Variants in C2orf72 observed in about 807,000 individuals in gnomAD.
C2orf72 encodes chromosome 2 open reading frame 72, also known as uncharacterized protein C2orf72.
C2orf72 carries 16 observed loss-of-function variants against 14.4 expected under a neutral mutation model. The ratio of observed to expected loss-of-function variants is 1.11; its 90% confidence interval spans 0.75 to 1.69. C2orf72 has a LOEUF of 1.69. Ranked by LOEUF, C2orf72 falls within the 40% of genes most tolerant of loss-of-function variation. The pLI, the probability that C2orf72 is intolerant of heterozygous loss-of-function variation, is 0.00. For missense variants in C2orf72, 371 were observed against 358.3 expected, an observed-to-expected ratio of 1.04 and a Z score of -0.29; for synonymous variants, 168 against 176.8, an observed-to-expected ratio of 0.95 and a Z score of 0.40.
rs1292651874 is a variant in C2orf72 at position 231,037,926 on chromosome 2, C to T, written c.361C>T (p.Pro121Ser). 1.9e-6 allele frequency: 2 copies of T among 1,029,038 alleles called. No individual in the cohort carries two copies. The highest frequency in any genetic ancestry group is 3.6e-5 in the South Asian group (1 of 27,432). 63.7% of individuals were successfully genotyped at this position (1,029,038 alleles called of 1,614,324 possible). The change falls in exon 1 of 3, where the codon CCG becomes TCG. Residue 121 changes from proline (P) to serine (S), a missense_variant. By Grantham distance (74) the Pro-to-Ser change is moderately conservative (BLOSUM62 -1). Transcript: ENST00000373640. ...CRASSLAARE[P>S]RRRLREMLRD... ...CGCGTCGTCGCTGGCCGCCCGGGAG[C>T]CGCGGCGCCGCCTGCGGGAGATGCT...
rs1693452994 is a variant in C2orf72, at chr2:231,048,767, C to T, written c.*1746C>T. ...CCTGCAGGGCTGCCTGCCAGTGGAT[C>T]TATCCAGCTGCTTCCTTGTAGCCAA... On this transcript the variant is annotated 3_prime_UTR_variant, in exon 3 of 3. Transcript: ENST00000373640. The T allele has an allele frequency of 6.6e-6, 1 of 152,242 alleles. No individual in the cohort carries two copies. Among genetic ancestry groups the T allele is most frequent in the Non-Finnish European group, 1.5e-5 (1 of 68,042 alleles). The allele number at this position is 152,242 out of a possible 1,614,324, so 9.4% of individuals were successfully genotyped here.
intron 1 of C2orf72, among the ~76,000 whole-genome samples, chr2:231,039,535 G>A (rs1693312769): frequency 6.6e-6 from 1 of 152,050 alleles, no homozygotes. Flanking sequence ...AAGGAGACCT[G>A]TCACCTGTGA....
intron 1 of C2orf72, among the ~76,000 whole-genome samples, chr2:231,038,589 G>A (rs1693292881): frequency 6.6e-6 from 1 of 152,024 alleles, no homozygotes; most frequent in African/African-American, 2.4e-5. Context: ...TTTCAAGGGG[G>A]TGGATGGGTG....
intron 2 of C2orf72, among the ~76,000 whole-genome samples, chr2:231,042,676 A>C (rs1160152107): frequency 2.0e-5 from 3 of 152,204 alleles, no homozygotes; most frequent in Non-Finnish European, 4.4e-5. Flanking sequence ...GAAAACCATT[A>C]GTTGATGTGT....
chr2:231,043,974 G>T (rs1050627308), intron 2 of C2orf72, among the ~76,000 whole-genome samples: 3 of 152,126 alleles, frequency 2.0e-5, no homozygotes, highest in African/African-American at 7.2e-5. Flanking sequence ...ATAGCCTATC[G>T]TTCCTAGGCT....
chr2:231,037,528 C>G lies in C2orf72; in HGVS notation c.-38C>G. On this transcript the variant is annotated 5_prime_UTR_variant, in exon 1 of 3. Transcript: ENST00000373640. ...CCGAGAGGCGGGCAGCGGGTGCGCC[C>G]GGGCCGCGGCGGCCGCAGAGGGCGG... 2.0e-6 allele frequency: 2 copies of G among 997,804 alleles called. No homozygotes were observed. The highest frequency in any genetic ancestry group is 5.1e-4 in the Middle Eastern group (1 of 1,964). The allele number at this position is 997,804 out of a possible 1,614,324, so 61.8% of individuals were successfully genotyped here. A position where few individuals can be genotyped will look rare whatever the true frequency, so the allele number is the denominator to read the frequency against.
chr2:231,044,493 G>A (rs1693384436), intron 2 of C2orf72, among the ~76,000 whole-genome samples: 1 of 152,084 alleles, frequency 6.6e-6, no homozygotes, highest in Non-Finnish European at 1.5e-5. Context: ...GCACACCATA[G>A]TGAGACTGTC....
At position 231,041,286 on chromosome 2, in the gene C2orf72, T is replaced by C; in HGVS notation, c.635-10T>C. On this transcript the variant is annotated splice_polypyrimidine_tract_variant and intron_variant, in intron 1 of 2. Coordinates refer to ENST00000373640, the MANE Select transcript of C2orf72 (RefSeq NM_001144994.2). ...GTGACCCTCTGACTCAGGTTTTGTG[T>C]TCTTCCTAGTGGAAGGAGCCTGGGA... 1 of 1,544,692 alleles carries C rather than the reference T, an allele frequency of 6.5e-7. No individual in the cohort carries two copies. Among genetic ancestry groups the C allele is most frequent in the Non-Finnish European group, 8.8e-7 (1 of 1,142,740 alleles).
intron 2 of C2orf72, among the ~76,000 whole-genome samples, chr2:231,042,870 G>A (rs1693361975): frequency 1.3e-5 from 2 of 152,220 alleles, no homozygotes; most frequent in Non-Finnish European, 2.9e-5. Flanking sequence ...CGGGTGTGGT[G>A]GCACATGCCT....
rs867249031 is a variant in C2orf72, at chr2:231,037,873, G to T, written c.308G>T (p.Arg103Leu). 7.4e-5 allele frequency: 73 copies of T among 980,428 alleles called. No homozygotes were observed. The African/African-American group carries it at 1.1e-3, about 15-fold the overall frequency. 60.7% of individuals were successfully genotyped at this position (980,428 alleles called of 1,614,324 possible). A position where few individuals can be genotyped will look rare whatever the true frequency, so the allele number is the denominator to read the frequency against. The change falls in exon 1 of 3, where the codon CGC becomes CTC. Residue 103 changes from arginine to leucine, a missense_variant. By Grantham distance (102) the Arg-to-Leu change is moderately radical. Around this residue, in one of 3 missense-constraint regions of C2orf72, gnomAD observed 214 missense variants for 178.7 expected, o/e 1.20. Coordinates refer to ENST00000373640, the MANE Select transcript of C2orf72 (RefSeq NM_001144994.2). ...GAAAAAARAI[R>L]SPLVFVLCRA... ...GCGGCGGCGGCGGCGCGCGCCATCC[G>T]CTCGCCGCTGGTCTTCGTGCTGTGC... is the stretch of plus-strand genomic sequence containing the variant.
At chr2:231,039,095 T>G (rs182159551) in intron 1 of C2orf72, among the ~76,000 whole-genome samples, 397 of 151,836 alleles carry the variant, frequency 2.6e-3, no homozygotes, top group Admixed American at 6.9e-3. Context: ...ACACAGCATG[T>G]TCTCACTCGT....
rs141646137 is a variant in C2orf72 at position 231,048,276 on chromosome 2, C to G, written c.*1255C>G. On this transcript the variant is annotated 3_prime_UTR_variant, in exon 3 of 3. Transcript: ENST00000373640. ...CTCCTGGATTTCCCTGGAGGGGAGG[C>G]ACTAGCTGAGGGAAGTAGCTCCCTT... 16 of 152,392 alleles carry G rather than the reference C, an allele frequency of 1.0e-4. No homozygotes were observed. The highest frequency in any genetic ancestry group is 3.8e-4 in the African/African-American group (16 of 41,582). The allele number at this position is 152,392 out of a possible 1,614,324, so 9.4% of individuals were successfully genotyped here. A position where few individuals can be genotyped will look rare whatever the true frequency, so the allele number is the denominator to read the frequency against.
At position 231,041,499 on chromosome 2, in the gene C2orf72, G is replaced by A. The variant is rs148654297; in HGVS notation, c.748+90G>A. 3,324 of 949,578 alleles carry A rather than the reference G, an allele frequency of 3.5e-3. 8 individuals carry two copies. Among genetic ancestry groups the A allele is most frequent in the Non-Finnish European group, 4.8e-3 (3,011 of 623,368 alleles). 58.8% of individuals were successfully genotyped at this position (949,578 alleles called of 1,614,324 possible). On this transcript the variant is annotated intron_variant, in intron 2 of 2. Coordinates refer to ENST00000373640, the MANE Select transcript of C2orf72 (RefSeq NM_001144994.2). Reference sequence around the variant, plus strand: ...TGAACTTGGGGACCTTAGGGACAGAGTGGACCAACATCTATGGAGTGCTTG... The same window carrying A: ...TGAACTTGGGGACCTTAGGGACAGAATGGACCAACATCTATGGAGTGCTTG...
rs1418964523 is a variant in C2orf72 at position 231,037,978 on chromosome 2, C to T, written c.413C>T (p.Ala138Val). Residue 138 changes from alanine (A) to valine (V), a missense_variant, in exon 1 of 3, where the codon GCC (alanine) becomes GTC (valine). By Grantham distance (64) the Ala-to-Val change is moderately conservative. Around this residue, in one of 3 missense-constraint regions of C2orf72, gnomAD observed 214 missense variants for 178.7 expected, o/e 1.20. Transcript: ENST00000373640. ...MLRDVRGRRR[A>V]GAALVGVLVA... Reference sequence around the variant, plus strand: ...CGGGACGTGCGCGGCCGGCGGCGGGCCGGGGCGGCGCTGGTCGGGGTGCTG... The same window carrying T: ...CGGGACGTGCGCGGCCGGCGGCGGGTCGGGGCGGCGCTGGTCGGGGTGCTG... 6 of 1,027,448 alleles carry T rather than the reference C, an allele frequency of 5.8e-6. No individual in the cohort carries two copies. The highest frequency in any genetic ancestry group is 7.0e-6 in the Non-Finnish European group (6 of 863,192). The allele number at this position is 1,027,448 out of a possible 1,614,324, so 63.6% of individuals were successfully genotyped here.
intron 1 of C2orf72, among the ~76,000 whole-genome samples, chr2:231,039,215 C>T (rs1456346976): frequency 6.6e-6 from 1 of 151,158 alleles, no homozygotes; most frequent in African/African-American, 2.4e-5. Context: ...GGAGATATAC[C>T]TAATGCTAAA....
In C2orf72 at chr2:231,047,161, C is replaced by G. The variant is rs1453355715; in HGVS notation, c.*140C>G. 8.7e-6 allele frequency: 9 copies of G among 1,038,210 alleles called. No homozygotes were observed. The highest frequency in any genetic ancestry group is 1.2e-5 in the Non-Finnish European group (8 of 687,400). 64.3% of individuals were successfully genotyped at this position (1,038,210 alleles called of 1,614,324 possible). A position where few individuals can be genotyped will look rare whatever the true frequency, so the allele number is the denominator to read the frequency against. On this transcript the variant is annotated 3_prime_UTR_variant, in exon 3 of 3. Coordinates refer to ENST00000373640, the MANE Select transcript of C2orf72 (RefSeq NM_001144994.2). ...GCCACACTCACAGTTACCAGCTAGACAGTGGGGCTTACTAAGACAAGCAGG... is the reference window on the plus strand; with the variant it reads ...GCCACACTCACAGTTACCAGCTAGAGAGTGGGGCTTACTAAGACAAGCAGG...
chr2:231,042,615 CAATG>C (rs1693358811), intron 2 of C2orf72, among the ~76,000 whole-genome samples: 1 of 152,204 alleles, frequency 6.6e-6, no homozygotes, highest in African/African-American at 2.4e-5. Flanking sequence ...GTTACAGAAA[CAATG>C]GATGGTGGTT....
chr2:231,047,077 G>A lies in C2orf72; in HGVS notation c.*56G>A, dbSNP rs546520299. The stretch of plus-strand genomic sequence containing the variant: ...AACCTACAGACTGGGGCCTGGCTCC[G>A]TCTTACTGGCCCCCAGGTCTCCATG... On this transcript the variant is annotated 3_prime_UTR_variant, in exon 3 of 3. Coordinates refer to ENST00000373640, the MANE Select transcript of C2orf72 (RefSeq NM_001144994.2). 41 of 1,548,410 alleles carry A rather than the reference G, an allele frequency of 2.6e-5. No homozygotes were observed. Among genetic ancestry groups the A allele is most frequent in the Middle Eastern group, 3.3e-4 (2 of 5,990 alleles).
rs1559210902 is a variant in C2orf72, at chr2:231,048,536, C to T, written c.*1515C>T. ...CTTGCTCCTGGACAGCAGTGGGTCT[C>T]ACCTTTAGCCTCTGCCCCCAGTTCT... is the stretch of plus-strand genomic sequence containing the variant. On this transcript the variant is annotated 3_prime_UTR_variant, in exon 3 of 3. Coordinates refer to ENST00000373640, the MANE Select transcript of C2orf72 (RefSeq NM_001144994.2). 1 of 152,504 alleles carries T rather than the reference C, an allele frequency of 6.6e-6. No individual in the cohort carries two copies. The highest frequency in any genetic ancestry group is 1.5e-5 in the Non-Finnish European group (1 of 68,272). 9.4% of individuals were successfully genotyped at this position (152,504 alleles called of 1,614,324 possible).
Sources: allele counts gnomAD v4.1 joint callset (sites outside exome capture counted in the v4.1 genomes callset), GRCh38; gene constraint gnomAD v4.1.1; regional missense constraint gnomAD v4.1.1; transcripts MANE v1.5; gene names NCBI Gene and HGNC (gene_info 2026-07-23, HGNC 2026-07-21).